Variants in CAMK4 observed in about 807,000 individuals in gnomAD.
The protein encoded by CAMK4 is calcium/calmodulin dependent protein kinase IV, also known as calcium/calmodulin-dependent protein kinase type IV.
Under a neutral mutation model 44.9 loss-of-function variants are expected in CAMK4, and 22 were observed. The ratio of observed to expected loss-of-function variants is 0.49; its 90% CI spans 0.35 to 0.70. CAMK4 has a LOEUF of 0.70. Ranked by LOEUF, CAMK4 falls within the 30% of genes least tolerant of loss-of-function variation. The pLI, the probability that CAMK4 is intolerant of heterozygous loss-of-function variation, is 0.01. For synonymous variants in CAMK4, 218 were observed against 215.4 expected, an observed-to-expected ratio of 1.01 and a Z score of -0.11; for missense variants, 498 against 586.8, an observed-to-expected ratio of 0.85 and a Z score of 1.56.
At chr5:111,302,293 A>T (rs1225178658) in intron 1 of CAMK4, 1 of 153,476 alleles carries the variant, frequency 6.5e-6, no homozygotes, top group Non-Finnish European at 1.4e-5. Context: ...AGCGTGAGCG[A>T]CGCAGAAGAC....
At chr5:111,386,309 T>A (rs1409443637) in intron 4 of CAMK4, among the ~76,000 whole-genome samples, 1 of 152,198 alleles carries the variant, frequency 6.6e-6, no homozygotes, top group African/African-American at 2.4e-5. Flanking sequence ...CCTGAAACTT[T>A]ATATTATTTG....
chr5:111,427,798 G>C (rs1338949793), intron 5 of CAMK4, among the ~76,000 whole-genome samples: 1 of 152,232 alleles, frequency 6.6e-6, no homozygotes, highest in African/African-American at 2.4e-5. Flanking sequence ...GACCCAGCGG[G>C]GGCCTGGGGA....
intron 1 of CAMK4, among the ~76,000 whole-genome samples, chr5:111,280,474 A>C (rs1381034830): frequency 1.3e-5 from 2 of 152,198 alleles, no homozygotes; most frequent in African/African-American, 4.8e-5. Flanking sequence ...TCTTATCTTT[A>C]ATATCTATGT....
At chr5:111,410,848 G>A (rs1752607468) in intron 5 of CAMK4, among the ~76,000 whole-genome samples, 1 of 152,106 alleles carries the variant, frequency 6.6e-6, no homozygotes, top group Admixed American at 6.6e-5. Context: ...TAACTTCACT[G>A]CTTGACCGTG....
chr5:111,244,800 G>T (rs1302987596), intron 1 of CAMK4, among the ~76,000 whole-genome samples: 4 of 152,142 alleles, frequency 2.6e-5, no homozygotes, highest in African/African-American at 9.7e-5. Context: ...AGTGGAGGCT[G>T]CAGTTAGCCG....
intron 5 of CAMK4, among the ~76,000 whole-genome samples, chr5:111,424,949 A>G (rs868617483): frequency 6.6e-6 from 1 of 152,096 alleles, no homozygotes; most frequent in Admixed American, 6.5e-5. Context: ...AGATCACCTG[A>G]GGTCACGAGT....
intron 1 of CAMK4, among the ~76,000 whole-genome samples, chr5:111,291,459 G>A (rs767927117): frequency 4.0e-5 from 6 of 151,842 alleles, no homozygotes; most frequent in East Asian, 1.9e-4. Context: ...TCCTTATGTC[G>A]TCATACCTCC....
At chr5:111,334,975 G>C (rs781531134) in intron 1 of CAMK4, among the ~76,000 whole-genome samples, 4 of 151,262 alleles carry the variant, frequency 2.6e-5, no homozygotes, top group Non-Finnish European at 5.9e-5. Context: ...CTCTTTAATA[G>C]CTTACGTGAC....
chr5:111,408,340 A>G (rs1378112880), intron 5 of CAMK4, among the ~76,000 whole-genome samples: 2 of 152,212 alleles, frequency 1.3e-5, no homozygotes, highest in Non-Finnish European at 2.9e-5. Flanking sequence ...CCTCACCATC[A>G]TGGCAGAAGG....
intron 5 of CAMK4, among the ~76,000 whole-genome samples, chr5:111,445,437 G>C (rs1454259024): frequency 1.3e-5 from 2 of 151,242 alleles, no homozygotes; most frequent in African/African-American, 4.9e-5. Context: ...TTTTGTTTTT[G>C]TTTTCTTTTG....
At chr5:111,328,330 G>A (rs1318225850) in intron 1 of CAMK4, among the ~76,000 whole-genome samples, 3 of 151,606 alleles carry the variant, frequency 2.0e-5, no homozygotes, top group East Asian at 3.9e-4. Flanking sequence ...TAGATATGTG[G>A]CATTATTTCT....
At chr5:111,452,893 G>T (rs898779229) in intron 7 of CAMK4, among the ~76,000 whole-genome samples, 9 of 152,186 alleles carry the variant, frequency 5.9e-5, no homozygotes, top group African/African-American at 2.2e-4. Context: ...AGGAAGCTTG[G>T]CATGGGGGTT....
At chr5:111,253,086 C>T (rs1051231223) in intron 1 of CAMK4, among the ~76,000 whole-genome samples, 1 of 152,174 alleles carries the variant, frequency 6.6e-6, no homozygotes, top group African/African-American at 2.4e-5. Context: ...TTGGCTTCCG[C>T]TGATTAAATA....
rs1034419680 is a variant in CAMK4 at position 111,482,629 on chromosome 5, A to T, written c.829-156A>T. 2 of 527,744 alleles carry T rather than the reference A, an allele frequency of 3.8e-6. No individual in the cohort carries two copies. The highest frequency in any genetic ancestry group is 3.9e-5 in the African/African-American group (2 of 50,712). 32.7% of individuals were successfully genotyped at this position (527,744 alleles called of 1,614,324 possible). A position where few individuals can be genotyped will look rare whatever the true frequency, so the allele number is the denominator to read the frequency against. ...GCTACTGCTACCTGAAGCTGTGCCT[A>T]CCTACAGTGGCCCCTGAGGACTTAA... On this transcript the variant is annotated intron_variant, in intron 9 of 10. Transcript: ENST00000282356. The surrounding 1 kb of genome is among the most constrained non-coding windows in gnomAD (Gnocchi z 4.9).
At chr5:111,476,368 C>G (rs746765961) in intron 8 of CAMK4, among the ~76,000 whole-genome samples, 1 of 151,908 alleles carries the variant, frequency 6.6e-6, no homozygotes, top group Non-Finnish European at 1.5e-5. Context: ...CAACCTCCGC[C>G]TTGGGTTCAA....
At chr5:111,408,728 C>T (rs1752525358) in intron 5 of CAMK4, among the ~76,000 whole-genome samples, 1 of 152,194 alleles carries the variant, frequency 6.6e-6, no homozygotes, top group South Asian at 2.1e-4. Flanking sequence ...GCTATAAAAT[C>T]AAAAGCAAGT....
intron 1 of CAMK4, among the ~76,000 whole-genome samples, chr5:111,247,951 A>T (rs1386432277): frequency 6.6e-6 from 1 of 152,208 alleles, no homozygotes; most frequent in Non-Finnish European, 1.5e-5. Flanking sequence ...AGAATTTTCC[A>T]GTCTTTAATG....
chr5:111,274,331 T>G (rs1337177460), intron 1 of CAMK4, among the ~76,000 whole-genome samples: 1 of 152,208 alleles, frequency 6.6e-6, no homozygotes, highest in East Asian at 1.9e-4. Context: ...TAGATTTATT[T>G]CTTCATTGTC....
chr5:111,471,336 TA>T (rs1215286493), intron 7 of CAMK4, among the ~76,000 whole-genome samples: 1 of 152,236 alleles, frequency 6.6e-6, no homozygotes, highest in Admixed American at 6.5e-5. Context: ...GAGCAAGATT[TA>T]TTTTTTTCTC....
Sources: gnomAD v4.1 joint callset for allele counts (sites outside exome capture counted in the v4.1 genomes callset) on GRCh38, gnomAD v4.1.1 for gene constraint, Gnocchi (gnomAD v3.1) non-coding constraint, MANE v1.5 for transcripts, NCBI Gene and HGNC (gene_info 2026-07-23, HGNC 2026-07-21) for gene names.